The following ARID1B variants were observed in gnomAD, a reference collection of about 807,000 sequenced individuals.
ARID1B encodes the protein AT-rich interactive domain-containing protein 1B.
In ARID1B, 30 loss-of-function variants were observed where a neutral mutation model predicts 212.3. That is an observed-to-expected ratio of 0.14 (90% confidence interval 0.11 to 0.19). The LOEUF is 0.19. ARID1B is among the 10% of genes least tolerant of loss of function. The pLI is 1.00. For missense variants in ARID1B, 2,891 were observed against 3,204.0 expected, an observed-to-expected ratio of 0.90 and a Z score of 2.36; for synonymous variants, 1,402 against 1,301.7, an observed-to-expected ratio of 1.08 and a Z score of -1.66.
At chr6:157,079,066 A>T (rs1197466477) in intron 4 of ARID1B, among the ~76,000 whole-genome samples, 2 of 152,232 alleles carry the variant, frequency 1.3e-5, no homozygotes, top group African/African-American at 2.4e-5. Flanking sequence ...AAGGGTGTGT[A>T]CTGTACATAC....
chr6:157,024,560 A>C (rs1191191271), intron 4 of ARID1B: 1 of 152,274 alleles, frequency 6.6e-6, no homozygotes, highest in Non-Finnish European at 1.5e-5. Flanking sequence ...TCAGGAGTTC[A>C]AGACCAGCCT....
Position 157,111,796 on chromosome 6 carries a change from T to C in ARID1B, c.2581+1235T>C, listed in dbSNP as rs139258674. Among the ~76,000 whole-genome samples, 599 of 152,320 alleles carry C rather than the reference T, an allele frequency of 3.9e-3. 3 individuals are homozygous for C. The highest frequency in any genetic ancestry group is 0.014 in the African/African-American group (581 of 41,568). The stretch of plus-strand genomic sequence containing the variant: ...TACATATATATATTATAATTTAAGG[T>C]ATAGTCGATAATATAATGTTTTAAT... On this transcript the variant is annotated intron_variant, in intron 6 of 19. Transcript: ENST00000636930.
intron 2 of ARID1B, among the ~76,000 whole-genome samples, chr6:156,879,109 A>AT (rs1366889476): frequency 6.6e-6 from 1 of 152,330 alleles, no homozygotes; most frequent in Non-Finnish European, 1.5e-5. Context: ...TGCCCTGTGC[A>AT]TTGCTGCAAG....
chr6:156,866,269 A>G (rs1785685660), intron 2 of ARID1B, among the ~76,000 whole-genome samples: 2 of 152,058 alleles, frequency 1.3e-5, no homozygotes, highest in African/African-American at 4.8e-5. Flanking sequence ...CGAGGAGGAA[A>G]TCTCTGGGCA....
chr6:156,812,260 T>G (rs955456072), intron 1 of ARID1B, among the ~76,000 whole-genome samples: 5 of 152,180 alleles, frequency 3.3e-5, no homozygotes, highest in African/African-American at 4.8e-5. Flanking sequence ...GCCTCATGAG[T>G]AGCTGGGACT....
At position 156,787,831 on chromosome 6, in the gene ARID1B, T is replaced by C. The variant is rs1424913946; in HGVS notation, c.1791+8360T>C. ...GCATCCTGACACAATGGTAAGATCA[T>C]GGGCTTGGAGCTGGTCAGACCTTAG... On this transcript the variant is annotated intron_variant, in intron 1 of 19. Transcript: ENST00000636930. Among the ~76,000 whole-genome samples the C allele has an allele frequency of 2.0e-5, 3 of 152,144 alleles. No homozygotes were observed. In the East Asian group the frequency reaches 5.8e-4, roughly 29 times the overall value.
chr6:156,820,213 G>A (rs902376522), intron 1 of ARID1B, among the ~76,000 whole-genome samples: 2 of 152,152 alleles, frequency 1.3e-5, no homozygotes, highest in African/African-American at 4.8e-5. Flanking sequence ...GGGTGAACTT[G>A]TGCAAAGTGA....
intron 4 of ARID1B, among the ~76,000 whole-genome samples, chr6:157,082,809 C>T (rs1784721111): frequency 6.6e-6 from 1 of 152,176 alleles, no homozygotes; most frequent in South Asian, 2.1e-4. Context: ...AGTCATTGGA[C>T]ATTGAAGATT....
chr6:156,846,000 A>G (rs1052156308), intron 2 of ARID1B, among the ~76,000 whole-genome samples: 1 of 151,572 alleles, frequency 6.6e-6, no homozygotes, highest in African/African-American at 2.4e-5. Flanking sequence ...TTTCTTTTTT[A>G]TACCATCTTA....
At chr6:157,168,723 G>A (rs1292697039) in intron 9 of ARID1B, 1 of 152,220 alleles carries the variant, frequency 6.6e-6, no homozygotes, top group Non-Finnish European at 1.5e-5. Flanking sequence ...GATTCACAGA[G>A]AGGGTTTCTT....
intron 7 of ARID1B, among the ~76,000 whole-genome samples, chr6:157,146,807 G>T (rs1007211627): frequency 6.6e-6 from 1 of 152,120 alleles, no homozygotes; most frequent in African/African-American, 2.4e-5. Context: ...AAAATAGTAA[G>T]GACTGATTGG....
chr6:156,825,876 GA>G (rs540828762), intron 1 of ARID1B, among the ~76,000 whole-genome samples: 294 of 152,222 alleles, frequency 1.9e-3, no homozygotes, highest in Admixed American at 3.5e-3. Flanking sequence ...AGAAAATCTA[GA>G]AAATAATCAC....
rs534449519 is a variant in ARID1B, at chr6:156,902,982, G to T, written c.2136+1457G>T. 3.3e-5 allele frequency among the ~76,000 whole-genome samples: 5 copies of T among 152,152 alleles called. No individual in the cohort carries two copies. The East Asian group carries it at 9.6e-4, about 29-fold the overall frequency. On this transcript the variant is annotated intron_variant, in intron 3 of 19. Coordinates refer to ENST00000636930, the MANE Select transcript of ARID1B (RefSeq NM_001374828.1). ...CTGTAGACACAGAGTGTTTTGTCAT[G>T]TCATCAAAATTTAAGGAGTCAATAG...
At chr6:156,997,777 A>G (rs1778681791) in intron 4 of ARID1B, among the ~76,000 whole-genome samples, 2 of 152,126 alleles carry the variant, frequency 1.3e-5, no homozygotes, top group Non-Finnish European at 2.9e-5. Context: ...TTGAATATCT[A>G]AAGATTCTCC....
At chr6:157,018,038 G>T (rs942305122) in intron 4 of ARID1B, among the ~76,000 whole-genome samples, 1 of 151,656 alleles carries the variant, frequency 6.6e-6, no homozygotes, top group Non-Finnish European at 1.5e-5. Flanking sequence ...GGGCTAAGGT[G>T]GGAGGATAGG....
intron 4 of ARID1B, among the ~76,000 whole-genome samples, chr6:156,992,784 C>G (rs894469223): frequency 4.6e-5 from 7 of 152,112 alleles, no homozygotes; most frequent in African/African-American, 1.7e-4. Context: ...GTGCGGTGGG[C>G]AACATAAGGG....
chr6:156,870,456 A>G (rs1786037028), intron 2 of ARID1B: 2 of 152,214 alleles, frequency 1.3e-5, no homozygotes, highest in Non-Finnish European at 1.5e-5. Context: ...GAGACCTGAA[A>G]ATGTCTCACT....
intron 4 of ARID1B, among the ~76,000 whole-genome samples, chr6:157,060,630 C>CTTTTTTTTTTTTTTTTTTTTTTT (rs56870548): frequency 1.4e-5 from 1 of 72,040 alleles, no homozygotes; most frequent in African/African-American, 6.3e-5. Flanking sequence ...AAAATCTGAA[C>CTTTTTTTTTTTTTTTTTTTTTTT]TTTTTTTTTT....
intron 4 of ARID1B, among the ~76,000 whole-genome samples, chr6:157,026,513 C>T (rs756646027): frequency 2.0e-5 from 3 of 152,180 alleles, no homozygotes; most frequent in African/African-American, 4.8e-5. Flanking sequence ...CAAGTGGCGG[C>T]GCCTGCCTTC....
Sources: gnomAD v4.1 joint callset for allele counts (sites outside exome capture counted in the v4.1 genomes callset) on GRCh38, gnomAD v4.1.1 for gene constraint, MANE v1.5 for transcripts, NCBI Gene and HGNC (gene_info 2026-07-23, HGNC 2026-07-21) for gene names.